ARHGEF3: variants seen among roughly 807,000 people sequenced by gnomAD.
The protein encoded by ARHGEF3 is Rho guanine nucleotide exchange factor 3, also known as 59.8 kDA protein.
ARHGEF3 carries 28 observed loss-of-function variants against 63.2 expected under a neutral mutation model. The observed-to-expected ratio is 0.44, with a 90% CI of 0.33 to 0.61. The LOEUF is 0.61. ARHGEF3 is among the 20% of genes least tolerant of loss of function. ARHGEF3 has a pLI of 0.03. For missense variants in ARHGEF3, 533 were observed against 659.3 expected (o/e 0.81, Z 2.10); for synonymous variants, 266 against 254.2 (o/e 1.05, Z -0.44).
At chr3:56,840,792 A>C (rs1424861907) in intron 4 of ARHGEF3, among the ~76,000 whole-genome samples, 1 of 152,228 alleles carries the variant, frequency 6.6e-6, no homozygotes, top group Non-Finnish European at 1.5e-5. Flanking sequence ...TTGTTCAAAA[A>C]TTAAAAAAAC....
intron 7 of ARHGEF3, 100 bp from the exon 8 acceptor site, chr3:56,737,455 G>T: frequency 1.2e-6 from 1 of 859,084 alleles, no homozygotes; most frequent in Non-Finnish European, 1.7e-6. Context: ...GACACACCTG[G>T]ATCTAACTCT....
rs114907667 is a variant in ARHGEF3 at position 56,992,279 on chromosome 3, G to T, written c.63-33390C>A. ...GTCAGAGAAAAATGAACCTCTGTAT[G>T]AGACCTGTGAAATCTGAAGAATGAA... is the stretch of plus-strand genomic sequence containing the variant. On this transcript the variant is annotated intron_variant, in intron 2 of 12. Coordinates refer to the ARHGEF3 transcript ENST00000338458. Among the ~76,000 whole-genome samples, 290 of 145,776 alleles carry T rather than the reference G, an allele frequency of 2.0e-3. 1 individual carries two copies. The highest frequency in any genetic ancestry group is 7.1e-3 in the Middle Eastern group (2 of 282).
chr3:56,759,382 G>A (rs565663403), intron 2 of ARHGEF3, among the ~76,000 whole-genome samples: 81 of 152,188 alleles, frequency 5.3e-4, no homozygotes, highest in Non-Finnish European at 9.1e-4. Context: ...GTTTCACCAT[G>A]TTGGTCTCGA....
Position 56,755,116 on chromosome 3 carries a change from G to A in ARHGEF3, c.240C>T (p.Asp80=). 6.2e-7 allele frequency: 1 copy of A among 1,613,952 alleles called. No individual in the cohort carries two copies. Among genetic ancestry groups the A allele is most frequent in the South Asian group, 1.1e-5 (1 of 91,084 alleles). The change falls in exon 3 of 10, where the codon GAC becomes GAT. Residue 80 remains aspartate (D), a synonymous_variant. Transcript: ENST00000296315. ...TGGACCAGGGTCGGGGGGCGAGGAT[G>A]TCAGGGCGGCTCTCACTGCGGAAGC... ...SISFRSESRP[D]ILAPRPWSRN...
At chr3:56,988,551 G>C (rs1701627706) in intron 2 of ARHGEF3, among the ~76,000 whole-genome samples, 1 of 152,162 alleles carries the variant, frequency 6.6e-6, no homozygotes, top group Non-Finnish European at 1.5e-5. Context: ...AAGATTAAAA[G>C]TATGTTGGCA....
intron 1 of ARHGEF3, among the ~76,000 whole-genome samples, chr3:57,053,978 C>A (rs1704790969): frequency 6.6e-6 from 1 of 152,180 alleles, no homozygotes; most frequent in East Asian, 1.9e-4. Flanking sequence ...GTGTACAAGT[C>A]TTTTGGTGCT....
At chr3:56,833,917 T>C (rs1451910781) in intron 4 of ARHGEF3, among the ~76,000 whole-genome samples, 3 of 148,068 alleles carry the variant, frequency 2.0e-5, no homozygotes, top group South Asian at 2.2e-4. Flanking sequence ...ATTCTTTGTT[T>C]TCCCCCCCCA....
chr3:56,741,184 C>CCTTTTTTTTTTTTTTTTTTTTTTTTTTT (rs754074079), intron 7 of ARHGEF3, among the ~76,000 whole-genome samples: 1 of 128,872 alleles, frequency 7.8e-6, no homozygotes, highest in Non-Finnish European at 1.6e-5. Context: ...TGCTTTGGTT[C>CCTTTTTTTTTTTTTTTTTTTTTTTTTTT]TTTTTTTTTT....
intron 4 of ARHGEF3, among the ~76,000 whole-genome samples, chr3:56,854,243 G>A (rs1241153694): frequency 6.6e-6 from 1 of 152,008 alleles, no homozygotes; most frequent in East Asian, 1.9e-4. Flanking sequence ...TGAGGACAAA[G>A]GAAAGAAAAG....
rs147423336 is a variant in ARHGEF3, at chr3:56,924,177, T to C, written c.129+34646A>G. On this transcript the variant is annotated intron_variant, in intron 3 of 12. Transcript: ENST00000338458. Reference sequence around the variant, plus strand: ...GTCTGTGATAAACAGGGGAGAAACATGCTACCCCACACCTGCACAAACTAA... The same window carrying C: ...GTCTGTGATAAACAGGGGAGAAACACGCTACCCCACACCTGCACAAACTAA... Among the ~76,000 whole-genome samples, 77 of 152,324 alleles carry C rather than the reference T, an allele frequency of 5.1e-4. 2 individuals are homozygous for C. The East Asian group carries it at 0.013, about 25-fold the overall frequency.
At chr3:56,965,380 A>T (rs1290073171) in intron 2 of ARHGEF3, among the ~76,000 whole-genome samples, 2 of 152,198 alleles carry the variant, frequency 1.3e-5, no homozygotes, top group Non-Finnish European at 2.9e-5. Context: ...CCAAGAAGAA[A>T]TAGAAAGCCT....
At chr3:56,908,360 A>G (rs1422085107) in intron 3 of ARHGEF3, among the ~76,000 whole-genome samples, 1 of 152,160 alleles carries the variant, frequency 6.6e-6, no homozygotes, top group Admixed American at 6.5e-5. Flanking sequence ...CCTTCCACCC[A>G]CAGCTTGACC....
chr3:56,762,041 A>G (rs967199906), intron 2 of ARHGEF3, among the ~76,000 whole-genome samples: 2 of 152,242 alleles, frequency 1.3e-5, no homozygotes, highest in East Asian at 3.9e-4. Flanking sequence ...GCATTGTAGG[A>G]TATTTCGCAT....
chr3:56,929,720 C>T (rs1162030058), intron 3 of ARHGEF3, among the ~76,000 whole-genome samples: 2 of 152,204 alleles, frequency 1.3e-5, no homozygotes, highest in Non-Finnish European at 2.9e-5. Flanking sequence ...TAAACTCAAA[C>T]ACTATGTATC....
At chr3:56,952,207 C>A (rs532577219) in intron 3 of ARHGEF3, among the ~76,000 whole-genome samples, 17 of 151,778 alleles carry the variant, frequency 1.1e-4, no homozygotes, top group Admixed American at 6.6e-4. Context: ...ACATCTGAAG[C>A]ATGAATGGAT....
chr3:56,838,681 G>A (rs757098347), intron 4 of ARHGEF3, among the ~76,000 whole-genome samples: 2 of 152,128 alleles, frequency 1.3e-5, no homozygotes, highest in African/African-American at 4.8e-5. Flanking sequence ...AGTAATGAGA[G>A]GGGAGCTAGA....
chr3:56,830,888 T>C (rs940285905), intron 4 of ARHGEF3, among the ~76,000 whole-genome samples: 10 of 152,160 alleles, frequency 6.6e-5, no homozygotes, highest in African/African-American at 2.4e-4. Context: ...CTCCCAGCTA[T>C]AGGAGATTCT....
chr3:56,980,109 G>A (rs563447336), intron 2 of ARHGEF3, among the ~76,000 whole-genome samples: 1 of 152,294 alleles, frequency 6.6e-6, no homozygotes, highest in Non-Finnish European at 1.5e-5. Context: ...AGTCGAAAAT[G>A]CACTTAATAC....
intron 2 of ARHGEF3, among the ~76,000 whole-genome samples, chr3:56,772,035 C>T (rs1455683520): frequency 6.6e-6 from 1 of 152,196 alleles, no homozygotes; most frequent in Non-Finnish European, 1.5e-5. Flanking sequence ...TAAACACATT[C>T]TTCTTCACTA....
Sources: gnomAD v4.1 joint callset for allele counts (sites outside exome capture counted in the v4.1 genomes callset) on GRCh38, gnomAD v4.1.1 for gene constraint, MANE v1.5 for transcripts, NCBI Gene and HGNC (gene_info 2026-07-23, HGNC 2026-07-21) for gene names.